The following FRMD4A variants were observed in gnomAD, a reference collection of about 807,000 sequenced individuals.
FRMD4A encodes the protein FERM domain-containing protein 4A.
A neutral mutation model predicts 129.1 loss-of-function variants in FRMD4A; 29 were observed. The observed-to-expected ratio is 0.22, with a 90% CI of 0.17 to 0.31. FRMD4A has a LOEUF of 0.31. Ranked by LOEUF, FRMD4A falls within the 10% of genes least tolerant of loss-of-function variation. The pLI is 1.00. For synonymous variants in FRMD4A, 634 were observed against 571.6 expected, an observed-to-expected ratio of 1.11 and a Z score of -1.56; for missense variants, 1,272 against 1,375.8, an observed-to-expected ratio of 0.92 and a Z score of 1.19.
chr10:13,998,225 C>T (rs1331731831), intron 2 of FRMD4A, among the ~76,000 whole-genome samples: 1 of 152,172 alleles, frequency 6.6e-6, no homozygotes, highest in Non-Finnish European at 1.5e-5. Context: ...CAGTGGTATA[C>T]TGGAGAATGT....
chr10:14,176,070 A>G (rs984321231), intron 2 of FRMD4A, among the ~76,000 whole-genome samples: 4 of 152,186 alleles, frequency 2.6e-5, no homozygotes, highest in Admixed American at 2.6e-4. Flanking sequence ...TGTAGTGTTT[A>G]GGGATCCCTA....
chr10:14,279,211 CAG>C (rs1845440828), intron 2 of FRMD4A, among the ~76,000 whole-genome samples: 1 of 105,238 alleles, frequency 9.5e-6, no homozygotes, highest in Non-Finnish European at 1.9e-5. Flanking sequence ...TTTTTTGAGA[CAG>C]AGTCTTGCTC....
chr10:13,781,786 G>A (rs1315424556), intron 6 of FRMD4A, among the ~76,000 whole-genome samples: 2 of 150,100 alleles, frequency 1.3e-5, no homozygotes, highest in Non-Finnish European at 3.0e-5. Flanking sequence ...TAAATTCATG[G>A]AGACAAAAAG....
At chr10:13,703,054 C>G (rs2087020755) in intron 13 of FRMD4A, among the ~76,000 whole-genome samples, 1 of 152,168 alleles carries the variant, frequency 6.6e-6, no homozygotes, top group African/African-American at 2.4e-5. Flanking sequence ...GTGCTCCCAG[C>G]TTGGCTTCCA....
rs563559756 is a variant in FRMD4A, at chr10:13,898,640, A to T, written c.46-39728T>A. Among the ~76,000 whole-genome samples the T allele has an allele frequency of 7.9e-5, 12 of 152,332 alleles. No homozygotes were observed. In the South Asian group the frequency reaches 2.5e-3, roughly 32 times the overall value. Reference sequence around the variant, plus strand: ...AGCTTCTCTGACCAGCTTGGAGCATACATGGGACAATTAAGAGATGATGGC... The same window carrying T: ...AGCTTCTCTGACCAGCTTGGAGCATTCATGGGACAATTAAGAGATGATGGC... On this transcript the variant is annotated intron_variant, in intron 2 of 24. Coordinates refer to ENST00000357447, the MANE Select transcript of FRMD4A (RefSeq NM_018027.5).
intron 2 of FRMD4A, among the ~76,000 whole-genome samples, chr10:14,050,771 C>A (rs1277829429): frequency 1.3e-5 from 2 of 152,172 alleles, no homozygotes; most frequent in African/African-American, 2.4e-5. Flanking sequence ...AGTGGGTGAA[C>A]CCATGGAGGT....
chr10:13,830,871 C>A (rs1970579), intron 3 of FRMD4A, among the ~76,000 whole-genome samples: 116,264 of 152,094 alleles, frequency 0.76, 44,468 homozygotes, highest in Middle Eastern at 0.83. Flanking sequence ...CTCACTGCAA[C>A]CTCTGCCTCC....
rs1346547423 is a variant in FRMD4A, at chr10:14,165,841, T to C, written c.45+164217A>G. 2.0e-5 allele frequency among the ~76,000 whole-genome samples: 3 copies of C among 152,084 alleles called. No homozygotes were observed. In the East Asian group the frequency reaches 5.8e-4, roughly 29 times the overall value. On this transcript the variant is annotated intron_variant, in intron 2 of 24. Coordinates refer to ENST00000357447, the MANE Select transcript of FRMD4A (RefSeq NM_018027.5). ...ACATAAAGATGGGTACAGTAGACAC[T>C]GGGGACTCCAAAAGAGGGGAGGAAG...
At chr10:13,726,445 C>T (rs370621748) in intron 12 of FRMD4A, among the ~76,000 whole-genome samples, 1 of 152,164 alleles carries the variant, frequency 6.6e-6, no homozygotes, top group South Asian at 2.1e-4. Context: ...AAAATGTCTT[C>T]ATAACAACAG....
At chr10:13,938,332 C>T (rs1372214192) in intron 2 of FRMD4A, among the ~76,000 whole-genome samples, 1 of 152,042 alleles carries the variant, frequency 6.6e-6, no homozygotes, top group African/African-American at 2.4e-5. Context: ...ACCTCTGCCC[C>T]CCGGGTTCAA....
At chr10:14,096,347 T>C (rs1423103099) in intron 2 of FRMD4A, among the ~76,000 whole-genome samples, 2 of 152,204 alleles carry the variant, frequency 1.3e-5, no homozygotes, top group Non-Finnish European at 2.9e-5. Flanking sequence ...GATCAATTTC[T>C]GTTGCTTATA....
intron 2 of FRMD4A, among the ~76,000 whole-genome samples, chr10:14,143,810 C>T (rs1045871206): frequency 2.0e-5 from 3 of 152,002 alleles, no homozygotes; most frequent in African/African-American, 7.3e-5. Flanking sequence ...GATGGGGTTT[C>T]GTTGACCAGG....
At chr10:14,096,075 C>G (rs887162161) in intron 2 of FRMD4A, among the ~76,000 whole-genome samples, 6 of 152,208 alleles carry the variant, frequency 3.9e-5, no homozygotes, top group Non-Finnish European at 7.3e-5. Flanking sequence ...CAGGTTGTTC[C>G]CCTCCAAAAT....
At chr10:13,701,271 C>T in intron 14 of FRMD4A, 69 bp downstream of exon 14, 1 of 1,475,932 alleles carries the variant, frequency 6.8e-7, no homozygotes. Context: ...CCCCACCCAT[C>T]CGATCCTCAT....
chr10:14,072,274 C>A (rs552639820), intron 2 of FRMD4A, among the ~76,000 whole-genome samples: 2 of 152,058 alleles, frequency 1.3e-5, no homozygotes, highest in African/African-American at 4.8e-5. Flanking sequence ...ACAAATGGGG[C>A]CTTGAGAAGT....
intron 2 of FRMD4A, among the ~76,000 whole-genome samples, chr10:13,913,353 A>T (rs1333264532): frequency 6.6e-6 from 1 of 152,200 alleles, no homozygotes; most frequent in Non-Finnish European, 1.5e-5. Flanking sequence ...AAGATGTTGT[A>T]AAATTGGGGC....
At chr10:13,949,934 A>C (rs1443902336) in intron 2 of FRMD4A, among the ~76,000 whole-genome samples, 1 of 152,276 alleles carries the variant, frequency 6.6e-6, no homozygotes, top group Non-Finnish European at 1.5e-5. Flanking sequence ...TTTGGAATGC[A>C]TGAAATAAGA....
At chr10:14,033,431 T>C (rs919306112) in intron 2 of FRMD4A, among the ~76,000 whole-genome samples, 4 of 152,198 alleles carry the variant, frequency 2.6e-5, no homozygotes, top group African/African-American at 9.6e-5. Context: ...TTGAGCATTG[T>C]ACCCAATAGC....
intron 2 of FRMD4A, among the ~76,000 whole-genome samples, chr10:14,220,844 T>C (rs1293493009): frequency 6.7e-6 from 1 of 150,192 alleles, no homozygotes; most frequent in Non-Finnish European, 1.5e-5. Flanking sequence ...GTGTGTTTAC[T>C]GGGGGCTCCC....
Sources: gnomAD v4.1 joint callset for allele counts (sites outside exome capture counted in the v4.1 genomes callset) on GRCh38, gnomAD v4.1.1 for gene constraint, MANE v1.5 for transcripts, NCBI Gene and HGNC (gene_info 2026-07-23, HGNC 2026-07-21) for gene names.